CPLANE1: variants seen among roughly 807,000 people sequenced by gnomAD.
CPLANE1 encodes ciliogenesis and planar polarity effector complex subunit 1.
CPLANE1 carries 263 observed loss-of-function variants against 362.5 expected under a neutral mutation model. The observed-to-expected ratio is 0.73, with a 90% confidence interval of 0.66 to 0.80. The LOEUF is 0.80. Among genes scored for constraint, CPLANE1 ranks in the 30% least tolerant of loss-of-function variants. CPLANE1 has a pLI of 0.00. For missense variants in CPLANE1, 3,461 were observed against 3,793.4 expected, an observed-to-expected ratio of 0.91 and a Z score of 2.30; for synonymous variants, 1,212 against 1,302.6, an observed-to-expected ratio of 0.93 and a Z score of 1.50.
chr5:37,138,206 T>C (rs1768389549), intron 46 of CPLANE1, among the ~76,000 whole-genome samples: 1 of 152,238 alleles, frequency 6.6e-6, no homozygotes, highest in Non-Finnish European at 1.5e-5. Flanking sequence ...ACTTATTTTA[T>C]GAGTCTAGGT....
chr5:37,227,877 A>C (rs1796798877), intron 9 of CPLANE1, 60 bp from the exon 10 acceptor site: 11 of 1,436,860 alleles, frequency 7.7e-6, no homozygotes, highest in Non-Finnish European at 1.0e-5. Flanking sequence ...GGAAAACAAT[A>C]ATGTTTTTCA....
chr5:37,173,688 T>C, intron 32 of CPLANE1, 67 bp downstream of exon 32: 1 of 1,264,426 alleles, frequency 7.9e-7, no homozygotes. Flanking sequence ...TGGAAATCTA[T>C]TAATATTTTA....
chr5:37,176,195 A>G, intron 30 of CPLANE1: 1 of 438,408 alleles, frequency 2.3e-6, no homozygotes, highest in South Asian at 4.5e-5. Context: ...TGGATGACTT[A>G]AAACACCACT....
rs1022523448 is a variant in CPLANE1 at position 37,131,569 on chromosome 5, C to T, written c.8793-6160G>A. On this transcript the variant is annotated intron_variant, in intron 46 of 52. Transcript: ENST00000651892. ...TTTTGAGACGGAGTTTCGCTCTAGTCGCCCAGGCTGGAGTGCAGTGGCATG... is the reference window on the plus strand; with the variant it reads ...TTTTGAGACGGAGTTTCGCTCTAGTTGCCCAGGCTGGAGTGCAGTGGCATG... Among the ~76,000 whole-genome samples, 5 of 150,964 alleles carry T rather than the reference C, an allele frequency of 3.3e-5. No homozygotes were observed. In the South Asian group the frequency reaches 6.3e-4, roughly 19 times the overall value.
In CPLANE1 at chr5:37,119,976, G is replaced by A. The variant is rs1003608046; in HGVS notation, c.9310+240C>T. On this transcript the variant is annotated intron_variant, in intron 50 of 52. Transcript: ENST00000651892. ...CACTCCAGCCTGGGTGACAGAGCGA[G>A]ACTCTGCCTCAAAAAGAAAAAGAAA... 2.0e-5 allele frequency among the ~76,000 whole-genome samples: 3 copies of A among 151,232 alleles called. No individual in the cohort carries two copies. In the East Asian group the frequency reaches 5.8e-4, roughly 29 times the overall value.
the CPLANE1 span, among the ~76,000 whole-genome samples, chr5:37,093,610 G>T: frequency 6.6e-6 from 1 of 152,178 alleles, no homozygotes; most frequent in African/African-American, 2.4e-5. Flanking sequence ...AGAGAATGTT[G>T]CTAATTATAC....
At chr5:37,201,508 G>T in intron 19 of CPLANE1, 83 bp downstream of exon 19, 1 of 1,147,424 alleles carries the variant, frequency 8.7e-7, no homozygotes, top group Non-Finnish European at 1.2e-6. Context: ...TTTTTAACCT[G>T]ATGATTATTA....
Position 37,245,821 on chromosome 5 carries a change from C to G in CPLANE1, c.106G>C (p.Asp36His). 2 of 1,518,422 alleles carry G rather than the reference C, an allele frequency of 1.3e-6. No homozygotes were observed. Among genetic ancestry groups the G allele is most frequent in the South Asian group, 1.3e-5 (1 of 75,500 alleles). The allele number at this position is 1,518,422 out of a possible 1,614,324, so 94.1% of individuals were successfully genotyped here. A position where few individuals can be genotyped will look rare whatever the true frequency, so the allele number is the denominator to read the frequency against. ...TTAATTTCATTTATGAATTTATCAT[C>G]CAAAAGAAAAACGGCTTCTTTTTCC... ...GKEKEAVFLL[D>H]DKFINEINLL... The change falls in exon 3 of 53, where the codon GAT (aspartate) becomes CAT (histidine). Residue 36 changes from aspartate (D) to histidine (H), a missense_variant. Around this residue, in one of 2 missense-constraint regions of CPLANE1, gnomAD observed 3,380 missense variants for 3,666.1 expected, o/e 0.92. Transcript: ENST00000651892.
rs775284647 is a variant in CPLANE1 at position 37,153,786 on chromosome 5, T to A, written c.8327A>T (p.Glu2776Val). The part of the protein sequence containing the change: ...LAIQNIAENI[E>V]QDFPKPEMLD... ...CATTTCAGGCTTGGGGAAATCCTGT[T>A]CTATGTTTTCAGCAATGTTCTGTAT... The change falls in exon 42 of 53, where the codon GAA (glutamate) becomes GTA (valine). Residue 2776 changes from glutamate to valine, a missense_variant. Coordinates refer to ENST00000651892, the MANE Select transcript of CPLANE1 (RefSeq NM_001384732.1). 4.0e-5 allele frequency: 65 copies of A among 1,613,898 alleles called. No homozygotes were observed. The highest frequency in any genetic ancestry group is 5.3e-5 in the Non-Finnish European group (62 of 1,179,928).
intron 50 of CPLANE1, among the ~76,000 whole-genome samples, chr5:37,117,507 A>G (rs1761369618): frequency 1.3e-5 from 2 of 152,148 alleles, no homozygotes; most frequent in African/African-American, 4.8e-5. Flanking sequence ...TAAATTGATT[A>G]TATCAGCGTG....
rs935420594 is a variant in CPLANE1, at chr5:37,244,306, G to T, written c.570+69C>A. 5.4e-6 allele frequency: 5 copies of T among 933,346 alleles called. No individual in the cohort carries two copies. The African/African-American group carries it at 6.8e-5, about 13-fold the overall frequency. 57.8% of individuals were successfully genotyped at this position (933,346 alleles called of 1,614,324 possible). A position where few individuals can be genotyped will look rare whatever the true frequency, so the allele number is the denominator to read the frequency against. ...ACTATGAAAATTTATGGTGACTAAA[G>T]ATATATAGTTATACCATTACACACT... is the stretch of plus-strand genomic sequence containing the variant. On this transcript the variant is annotated intron_variant, in intron 5 of 52. Transcript: ENST00000651892.
the CPLANE1 span, among the ~76,000 whole-genome samples, chr5:37,095,090 G>C: frequency 2.0e-5 from 3 of 152,104 alleles, no homozygotes; most frequent in East Asian, 1.9e-4. Context: ...TATGAAGCCA[G>C]TTATCACCCT....
At position 37,205,269 on chromosome 5, in the gene CPLANE1, G is replaced by A. The variant is rs930031743; in HGVS notation, c.3289+46C>T. On this transcript the variant is annotated intron_variant, in intron 18 of 52. Transcript: ENST00000651892. Reference sequence around the variant, plus strand: ...TATAAACTTTTTAAGGTATTATAAGGTTTATATTAATCTGACACGAATCAG... The same window carrying A: ...TATAAACTTTTTAAGGTATTATAAGATTTATATTAATCTGACACGAATCAG... The A allele has an allele frequency of 2.1e-6, 3 of 1,431,078 alleles. No homozygotes were observed. In the African/African-American group the frequency reaches 4.3e-5, roughly 21 times the overall value. 88.6% of individuals were successfully genotyped at this position (1,431,078 alleles called of 1,614,324 possible). A position where few individuals can be genotyped will look rare whatever the true frequency, so the allele number is the denominator to read the frequency against.
chr5:37,165,491 T>G (rs1456819203), intron 36 of CPLANE1, 48 bp downstream of exon 36: 2 of 1,586,620 alleles, frequency 1.3e-6, no homozygotes, highest in Admixed American at 1.8e-5. Context: ...CATACCAAAC[T>G]CAGTGTACAT....
rs191374782 is a variant in CPLANE1 at position 37,132,562 on chromosome 5, G to A, written c.8792+6158C>T. Among the ~76,000 whole-genome samples, 937 of 152,080 alleles carry A rather than the reference G, an allele frequency of 6.2e-3. 4 individuals are homozygous for A. The highest frequency in any genetic ancestry group is 1.0e-2 in the Non-Finnish European group (679 of 67,964). ...GGGGTTTCACCATGTTAGCCAGGAT[G>A]GTCTCAATCTCCTGACCTTGTAATC... On this transcript the variant is annotated intron_variant, in intron 46 of 52. Coordinates refer to ENST00000651892, the MANE Select transcript of CPLANE1 (RefSeq NM_001384732.1).
Position 37,247,798 on chromosome 5 carries a change from AT to A in CPLANE1, c.-47-54del, listed in dbSNP as rs11320255. 0.23 allele frequency: 228,279 copies of A among 1,013,486 alleles called. 2,085 individuals carry two copies. The highest frequency in any genetic ancestry group is 0.3 in the African/African-American group (17,186 of 57,382). 62.8% of individuals were successfully genotyped at this position (1,013,486 alleles called of 1,614,324 possible). A position where few individuals can be genotyped will look rare whatever the true frequency, so the allele number is the denominator to read the frequency against. On this transcript the variant is annotated intron_variant, in intron 1 of 52. Coordinates refer to ENST00000651892, the MANE Select transcript of CPLANE1 (RefSeq NM_001384732.1). ...AAATGATGCATAATATTCACTGGGC[AT>A]TTTTTTTTTTTTTTTGAGACAAGAG... is the stretch of plus-strand genomic sequence containing the variant.
chr5:37,213,801 A>G (rs1049706232), intron 15 of CPLANE1, 69 bp from the exon 16 acceptor site: 110 of 1,242,242 alleles, frequency 8.9e-5, no homozygotes, highest in Non-Finnish European at 1.0e-4. Flanking sequence ...TTAAGTTCCC[A>G]ACATTATACA....
chr5:37,081,862 C>G, the CPLANE1 span, among the ~76,000 whole-genome samples: 1 of 151,898 alleles, frequency 6.6e-6, no homozygotes, highest in South Asian at 2.1e-4. Flanking sequence ...TGACATTGGC[C>G]GGGCACAGTG....
Position 37,195,223 on chromosome 5 carries a change from A to G in CPLANE1, c.3811+635T>C, listed in dbSNP as rs570204206. On this transcript the variant is annotated intron_variant, in intron 21 of 52. Coordinates refer to ENST00000651892, the MANE Select transcript of CPLANE1 (RefSeq NM_001384732.1). ...ACTGATAAGGATTAAGGAAGGATTAAGGAGGAAAGAGTGAAATGATATCTA... is the reference window on the plus strand; with the variant it reads ...ACTGATAAGGATTAAGGAAGGATTAGGGAGGAAAGAGTGAAATGATATCTA... Among the ~76,000 whole-genome samples the G allele has an allele frequency of 1.8e-4, 27 of 152,238 alleles. No individual in the cohort carries two copies. The South Asian group carries it at 5.6e-3, about 32-fold the overall frequency.
Sources: gnomAD v4.1 joint callset for allele counts (sites outside exome capture counted in the v4.1 genomes callset) on GRCh38, gnomAD v4.1.1 for gene constraint, gnomAD v4.1.1 regional missense constraint, MANE v1.5 for transcripts, NCBI Gene and HGNC (gene_info 2026-07-23, HGNC 2026-07-21) for gene names.